MIER3: variants seen among roughly 807,000 people sequenced by gnomAD.
The protein encoded by MIER3 is MIER family member 3, also known as mesoderm induction early response protein 3.
A neutral mutation model predicts 63.2 loss-of-function variants in MIER3; 9 were observed. The observed-to-expected ratio is 0.14, with a 90% CI of 0.09 to 0.25. The LOEUF is 0.25. Ranked by LOEUF, MIER3 falls within the 10% of genes least tolerant of loss-of-function variation. The pLI, the probability that MIER3 is intolerant of heterozygous loss-of-function variation, is 1.00. For synonymous variants in MIER3, 205 were observed against 224.9 expected (o/e 0.91, Z 0.79); for missense variants, 512 against 666.2 (o/e 0.77, Z 2.55).
At chr5:56,929,161 G>A (rs1310198394) in intron 9 of MIER3, 1 of 222,054 alleles carries the variant, frequency 4.5e-6, no homozygotes, top group African/African-American at 2.3e-5. Context: ...TAACATGCCT[G>A]TTTTTCTGAT....
At chr5:56,951,782 C>T (rs1751042783) in intron 1 of MIER3, among the ~76,000 whole-genome samples, 1 of 151,494 alleles carries the variant, frequency 6.6e-6, no homozygotes, top group Non-Finnish European at 1.5e-5. Flanking sequence ...CGACCGGGGA[C>T]ACGGCACTGC....
intron 4 of MIER3, chr5:56,938,453 C>G: frequency 2.2e-6 from 1 of 454,238 alleles, no homozygotes; most frequent in East Asian, 7.0e-5. Context: ...GATGGATCAC[C>G]GCGGTCTTGG....
At chr5:56,945,220 T>C (rs957167157) in intron 3 of MIER3, among the ~76,000 whole-genome samples, 3 of 152,162 alleles carry the variant, frequency 2.0e-5, no homozygotes, top group African/African-American at 4.8e-5. Context: ...CCCAGCACTT[T>C]GGAAGGCCGA....
intron 8 of MIER3, among the ~76,000 whole-genome samples, chr5:56,932,058 T>C (rs1042899581): frequency 5.3e-5 from 8 of 152,178 alleles, no homozygotes; most frequent in Non-Finnish European, 8.8e-5. Context: ...TTTGGGAGGC[T>C]GAGGCAGACA....
At chr5:56,923,635 C>T in intron 12 of MIER3, 50 bp from the exon 13 acceptor site, 1 of 1,613,042 alleles carries the variant, frequency 6.2e-7, no homozygotes, top group Non-Finnish European at 8.5e-7. Context: ...TGACATCAAA[C>T]AGAGGACACA....
At position 56,923,828 on chromosome 5, in the gene MIER3, T is replaced by C; in HGVS notation, c.1058A>G (p.Tyr353Cys). 1.2e-6 allele frequency: 2 copies of C among 1,614,188 alleles called. No individual in the cohort carries two copies. Among genetic ancestry groups the C allele is most frequent in the Non-Finnish European group, 1.7e-6 (2 of 1,180,014 alleles). The change falls in exon 12 of 13, where the codon TAT (tyrosine) becomes TGT (cysteine). Residue 353 changes from tyrosine (Y) to cysteine (C), a missense_variant. Tyr to Cys is a radical substitution (Grantham distance 194, BLOSUM62 -2). Coordinates refer to ENST00000381199, the MANE Select transcript of MIER3 (RefSeq NM_001297599.2). ...RYNHHPGVTD[Y>C]MDRLVDETEA... ...TGTTTCATCTACTAAACGATCCATA[T>C]AGTCCCTGAAAAACACACCCCAGTA...
intron 3 of MIER3, 98 bp downstream of exon 3, chr5:56,946,828 G>T (rs1472683237): frequency 4.2e-6 from 4 of 963,590 alleles, no homozygotes; most frequent in African/African-American, 1.7e-5. Context: ...AAAAAAAAAG[G>T]ATTATGATCC....
At chr5:56,931,938 C>G (rs571810449) in intron 8 of MIER3, among the ~76,000 whole-genome samples, 1 of 152,220 alleles carries the variant, frequency 6.6e-6, no homozygotes, top group South Asian at 2.1e-4. Context: ...GTAGTTTCAA[C>G]AGTTTAAGAT....
chr5:56,950,541 A>C, intron 2 of MIER3, 87 bp downstream of exon 2: 1 of 1,392,600 alleles, frequency 7.2e-7, no homozygotes, highest in Admixed American at 1.9e-5. Context: ...TGCAGGATAC[A>C]TTTCTATTGG....
At chr5:56,939,101 A>G (rs1750552710) in intron 3 of MIER3, 84 bp from the exon 4 acceptor site, 1 of 1,404,610 alleles carries the variant, frequency 7.1e-7, no homozygotes, top group East Asian at 2.4e-5. Flanking sequence ...TTAGGTTCAG[A>G]AAGCACATTA....
chr5:56,934,737 C>G (rs1750381737), intron 7 of MIER3, among the ~76,000 whole-genome samples: 2 of 152,076 alleles, frequency 1.3e-5, no homozygotes, highest in Admixed American at 1.3e-4. Context: ...AAAAGAAGGA[C>G]TCAGGAAGTA....
chr5:56,924,697 C>T (rs544035807), intron 10 of MIER3, among the ~76,000 whole-genome samples: 1 of 152,206 alleles, frequency 6.6e-6, no homozygotes, highest in East Asian at 1.9e-4. Context: ...AGCCTCACCA[C>T]CTTGGCTCCA....
chr5:56,923,474 A>G lies in MIER3; in HGVS notation c.1307T>C (p.Val436Ala), dbSNP rs752861730. Residue 436 changes from valine (V) to alanine (A), a missense_variant, in exon 13 of 13, where the codon GTT becomes GCT. By Grantham distance (64) the Val-to-Ala change is moderately conservative. Coordinates refer to ENST00000381199, the MANE Select transcript of MIER3 (RefSeq NM_001297599.2). Reference protein sequence around the residue: ...TPRGQVNHVPVVTEELLTLPS... With the variant: ...TPRGQVNHVPAVTEELLTLPS... ...CAGGGTGAGTAACTCTTCTGTTACA[A>G]CAGGCACATGATTAACTTGTCCACG... The G allele has an allele frequency of 6.2e-7, 1 of 1,614,198 alleles. No individual in the cohort carries two copies. The highest frequency in any genetic ancestry group is 8.5e-7 in the Non-Finnish European group (1 of 1,180,034).
chr5:56,950,588 C>T, intron 2 of MIER3, 40 bp downstream of exon 2: 1 of 1,610,350 alleles, frequency 6.2e-7, no homozygotes, highest in South Asian at 1.1e-5. Context: ...CCCACATTAC[C>T]CACTGGGAAC....
rs1749748975 is a variant in MIER3, at chr5:56,923,061, T to C, written c.*67A>G. ...GGTTCAAACTTCCAGTGAAAGACTA[T>C]GCAAACCTGATAGCTCCCCTCAAGT... On this transcript the variant is annotated 3_prime_UTR_variant, in exon 13 of 13. Coordinates refer to ENST00000381199, the MANE Select transcript of MIER3 (RefSeq NM_001297599.2). 2.2e-6 allele frequency: 3 copies of C among 1,389,722 alleles called. No individual in the cohort carries two copies. The highest frequency in any genetic ancestry group is 2.5e-5 in the South Asian group (2 of 78,820). 86.1% of individuals were successfully genotyped at this position (1,389,722 alleles called of 1,614,324 possible).
upstream of MIER3, chr5:56,952,159 T>G: frequency 8.5e-7 from 1 of 1,174,254 alleles, no homozygotes; most frequent in Non-Finnish European, 1.1e-6. Flanking sequence ...ATGGGGCGCC[T>G]GAGCCAATCG....
At position 56,935,480 on chromosome 5, in the gene MIER3, T is replaced by C. The variant is rs755088397; in HGVS notation, c.543A>G (p.Gln181=). Residue 181 remains glutamine (Q), a synonymous_variant, in exon 7 of 13, where the codon CAA becomes CAG. Coordinates refer to ENST00000381199, the MANE Select transcript of MIER3 (RefSeq NM_001297599.2). ...DLRKEIMIGL[Q]YQAEIPPYLG... ...GATAAGGGGGAATCTCTGCCTGATA[T>C]TGTAAACCAATCATTATTTCCTACA... is the stretch of plus-strand genomic sequence containing the variant. 5.6e-6 allele frequency: 9 copies of C among 1,593,842 alleles called. No individual in the cohort carries two copies. Among genetic ancestry groups the C allele is most frequent in the African/African-American group, 2.7e-5 (2 of 73,454 alleles).
At position 56,923,403 on chromosome 5, in the gene MIER3, A is replaced by C. The variant is rs766219551; in HGVS notation, c.1378T>G (p.Phe460Val). The change falls in exon 13 of 13, where the codon TTT becomes GTT. Residue 460 changes from phenylalanine (F) to valine (V), a missense_variant. By Grantham distance (50) the Phe-to-Val change is conservative. Around this residue, in one of 5 missense-constraint regions of MIER3, gnomAD observed 218 missense variants for 251.2 expected, o/e 0.87. Coordinates refer to ENST00000381199, the MANE Select transcript of MIER3 (RefSeq NM_001297599.2). ...SDCFNLFETG[F>V]YHSELNPMNM... ...ATAGGGTTTAGCTCCGAGTGATAAA[A>C]TCCAGTCTCAAATAAATTAAAACAA... 6.2e-7 allele frequency: 1 copy of C among 1,614,030 alleles called. No individual in the cohort carries two copies. Among genetic ancestry groups the C allele is most frequent in the African/African-American group, 1.3e-5 (1 of 74,916 alleles).
chr5:56,935,382 G>C, intron 7 of MIER3, 46 bp downstream of exon 7: 3 of 1,406,368 alleles, frequency 2.1e-6, no homozygotes, highest in Non-Finnish European at 2.9e-6. Context: ...TTATCAAGTG[G>C]TAACCTTATC....
Sources: allele counts gnomAD v4.1 joint callset (sites outside exome capture counted in the v4.1 genomes callset), GRCh38; gene constraint gnomAD v4.1.1; regional missense constraint gnomAD v4.1.1; transcripts MANE v1.5; gene names NCBI Gene and HGNC (gene_info 2026-07-23, HGNC 2026-07-21).